SYT2: variants seen among roughly 807,000 people sequenced by gnomAD.
The protein encoded by SYT2 is synaptotagmin-2.
SYT2 carries 15 observed loss-of-function variants against 39.9 expected under a neutral mutation model. The observed-to-expected ratio is 0.38, with a 90% CI of 0.25 to 0.58. SYT2 has a LOEUF of 0.58. Among genes scored for constraint, SYT2 ranks in the 20% least tolerant of loss-of-function variants. The pLI, the probability that SYT2 is intolerant of heterozygous loss-of-function variation, is 0.70. For synonymous variants in SYT2, 181 were observed against 204.5 expected (o/e 0.89, Z 0.98); for missense variants, 389 against 530.3 (o/e 0.73, Z 2.62).
chr1:202,613,896 A>G (rs1409074910), intron 1 of SYT2, among the ~76,000 whole-genome samples: 2 of 152,248 alleles, frequency 1.3e-5, no homozygotes, highest in African/African-American at 2.4e-5. Flanking sequence ...GATTTCTTCA[A>G]TATAAAATTG....
chr1:202,616,589 T>C (rs1691045118), intron 1 of SYT2, among the ~76,000 whole-genome samples: 1 of 152,224 alleles, frequency 6.6e-6, no homozygotes, highest in South Asian at 2.1e-4. Context: ...CATTGTGGCT[T>C]CTGCCCCATC....
At chr1:202,613,101 G>C (rs1326404832) in intron 1 of SYT2, among the ~76,000 whole-genome samples, 1 of 83,436 alleles carries the variant, frequency 1.2e-5, no homozygotes, top group African/African-American at 4.2e-5. Context: ...TTTTTTTCCA[G>C]ACAGAGTCTC....
Position 202,652,938 on chromosome 1 carries a change from A to G in SYT2, c.-17-47149T>C, listed in dbSNP as rs551134790. On this transcript the variant is annotated intron_variant, in intron 1 of 8. Transcript: ENST00000367268. ...GAGCCTGAGTTGGCCTTTGATGCAT[A>G]TCATTTTCCTTCCCACCACCCACCC... Among the ~76,000 whole-genome samples the G allele has an allele frequency of 7.9e-5, 12 of 152,162 alleles. 1 individual carries two copies. The South Asian group carries it at 2.1e-3, about 26-fold the overall frequency.
intron 1 of SYT2, among the ~76,000 whole-genome samples, chr1:202,616,533 C>T (rs1175884180): frequency 1.3e-5 from 2 of 152,194 alleles, no homozygotes; most frequent in Non-Finnish European, 2.9e-5. Flanking sequence ...CACACACGCA[C>T]ACATGGTCCC....
At chr1:202,682,815 C>T (rs1216466101) in intron 1 of SYT2, among the ~76,000 whole-genome samples, 1 of 152,096 alleles carries the variant, frequency 6.6e-6, no homozygotes, top group Admixed American at 6.6e-5. Context: ...AGCTACAAAC[C>T]CAGCCCTTCT....
At position 202,613,067 on chromosome 1, in the gene SYT2, CCTTTTTTT is replaced by C. The variant is rs1270555487; in HGVS notation, c.-17-7286_-17-7279del. Among the ~76,000 whole-genome samples the C allele has an allele frequency of 1.1e-4, 13 of 121,624 alleles. 1 individual carries two copies. Among genetic ancestry groups the C allele is most frequent in the African/African-American group, 2.3e-4 (8 of 34,288 alleles). The allele number at this position is 121,624 out of a possible 152,430, so 79.8% of individuals were successfully genotyped here. ...CACATTGCCGAACTCATTGGTTCTT[CCTTTTTTT>C]TTTTTTTTTTTTTTTTTTTTTTCCA... On this transcript the variant is annotated intron_variant, in intron 1 of 8. Transcript: ENST00000367268.
At chr1:202,616,116 GCCT>G (rs1421829862) in intron 1 of SYT2, among the ~76,000 whole-genome samples, 2 of 152,154 alleles carry the variant, frequency 1.3e-5, no homozygotes, top group Admixed American at 6.6e-5. Flanking sequence ...CACCAGCTTC[GCCT>G]CCTCCTCCAG....
chr1:202,637,288 G>C (rs989357950), intron 1 of SYT2, among the ~76,000 whole-genome samples: 1 of 152,146 alleles, frequency 6.6e-6, no homozygotes, highest in Non-Finnish European at 1.5e-5. Flanking sequence ...GGAAGTTGAG[G>C]CTGCAGTGAG....
intron 1 of SYT2, among the ~76,000 whole-genome samples, chr1:202,681,378 C>T (rs1022669706): frequency 3.9e-5 from 6 of 152,278 alleles, no homozygotes; most frequent in African/African-American, 1.2e-4. Flanking sequence ...AATCCTCCAC[C>T]GCCACTGGTG....
Position 202,605,669 on chromosome 1 carries a change from C to T in SYT2, c.104G>A (p.Gly35Asp). The T allele has an allele frequency of 1.2e-6, 2 of 1,613,850 alleles. No individual in the cohort carries two copies. The highest frequency in any genetic ancestry group is 1.1e-5 in the South Asian group (1 of 91,064). Residue 35 changes from glycine to aspartate, a missense_variant, in exon 2 of 9, where the codon GGT (glycine) becomes GAT (aspartate). Coordinates refer to ENST00000367268, the MANE Select transcript of SYT2 (RefSeq NM_177402.5). ...GPVDNSTESG[G>D]AGESQEDMFA... ...CATGTCCTCCTGGCTCTCCCCAGCA[C>T]CCCCACTCTCAGTGGAGTTGTCCAC...
intron 1 of SYT2, among the ~76,000 whole-genome samples, chr1:202,660,143 A>G (rs1692350757): frequency 6.6e-6 from 1 of 152,214 alleles, no homozygotes; most frequent in Non-Finnish European, 1.5e-5. Context: ...TTCTGAGGAC[A>G]GTAAGGGAGA....
chr1:202,699,712 T>A (rs1654064505), intron 1 of SYT2, among the ~76,000 whole-genome samples: 1 of 152,176 alleles, frequency 6.6e-6, no homozygotes, highest in African/African-American at 2.4e-5. Context: ...AAGCTCAGGC[T>A]TGTTATAAAG....
intron 1 of SYT2, among the ~76,000 whole-genome samples, chr1:202,657,922 C>T (rs934523151): frequency 6.6e-6 from 1 of 152,132 alleles, no homozygotes; most frequent in Admixed American, 6.5e-5. Flanking sequence ...GAATTCATTA[C>T]TCAATCAGCA....
intron 1 of SYT2, among the ~76,000 whole-genome samples, chr1:202,686,639 G>A (rs148589717): frequency 6.6e-6 from 1 of 152,194 alleles, no homozygotes; most frequent in Non-Finnish European, 1.5e-5. Context: ...GCACCTCTAG[G>A]CCTGGACAGA....
At chr1:202,709,952 C>T (rs948415928) in intron 1 of SYT2, among the ~76,000 whole-genome samples, 2 of 152,136 alleles carry the variant, frequency 1.3e-5, no homozygotes, top group Non-Finnish European at 2.9e-5. Flanking sequence ...GTGCAGGGGA[C>T]GCGTGGCCCG....
At chr1:202,662,260 C>A (rs1434608062) in intron 1 of SYT2, among the ~76,000 whole-genome samples, 1 of 152,248 alleles carries the variant, frequency 6.6e-6, no homozygotes, top group Admixed American at 6.5e-5. Context: ...TGGAACCATG[C>A]CCAGATCTTC....
chr1:202,602,424 T>A lies in SYT2; in HGVS notation c.587A>T (p.His196Leu). ...DKKKKYETKV[H>L]RKTLNPAFNE... Reference sequence around the variant, plus strand: ...GAAGGCAGGGTTCAGTGTCTTCCGATGGACTTTGGTCTCATATTTCTTCTT... The same window carrying A: ...GAAGGCAGGGTTCAGTGTCTTCCGAAGGACTTTGGTCTCATATTTCTTCTT... Residue 196 changes from histidine to leucine, a missense_variant, in exon 5 of 9, where the codon CAT becomes CTT. Around this residue, in one of 4 missense-constraint regions of SYT2, gnomAD observed 280 missense variants for 335.6 expected, o/e 0.83. Coordinates refer to ENST00000367268, the MANE Select transcript of SYT2 (RefSeq NM_177402.5). 1 of 1,614,184 alleles carries A rather than the reference T, an allele frequency of 6.2e-7. No individual in the cohort carries two copies. Among genetic ancestry groups the A allele is most frequent in the South Asian group, 1.1e-5 (1 of 91,086 alleles).
chr1:202,642,572 G>A (rs1269996491), intron 1 of SYT2, among the ~76,000 whole-genome samples: 1 of 152,204 alleles, frequency 6.6e-6, no homozygotes, highest in South Asian at 2.1e-4. Context: ...GCACAGAGCC[G>A]TGGCGCGTGT....
At chr1:202,693,774 A>G (rs1252154435) in intron 1 of SYT2, among the ~76,000 whole-genome samples, 1 of 152,202 alleles carries the variant, frequency 6.6e-6, no homozygotes, top group Non-Finnish European at 1.5e-5. Context: ...GTGTTAGTCC[A>G]TTTTTGCATT....
Sources: gnomAD v4.1 joint callset for allele counts (sites outside exome capture counted in the v4.1 genomes callset) on GRCh38, gnomAD v4.1.1 for gene constraint, gnomAD v4.1.1 regional missense constraint, MANE v1.5 for transcripts, NCBI Gene and HGNC (gene_info 2026-07-23, HGNC 2026-07-21) for gene names.